ABTB3: variants seen among roughly 807,000 people sequenced by gnomAD.
ABTB3 encodes the protein ankyrin repeat- and BTB/POZ domain-containing protein 3.
At chr12:107,321,056 C>T in the ABTB3 span, among the ~76,000 whole-genome samples, 1 of 152,162 alleles carries the variant, frequency 6.6e-6, no homozygotes, top group Non-Finnish European at 1.5e-5. Flanking sequence ...CTGCGAAAGC[C>T]GGAGCTAGAC....
the ABTB3 span, among the ~76,000 whole-genome samples, chr12:107,477,817 A>G: frequency 6.6e-6 from 1 of 152,196 alleles, no homozygotes; most frequent in African/African-American, 2.4e-5. Flanking sequence ...ATGATAGACC[A>G]TTCTATATAG....
chr12:107,458,072 T>C, the ABTB3 span, among the ~76,000 whole-genome samples: 1 of 152,306 alleles, frequency 6.6e-6, no homozygotes, highest in Non-Finnish European at 1.5e-5. Context: ...ACCCAGTAAA[T>C]GTTCACCTCT....
At chr12:107,393,382 A>G in the ABTB3 span, among the ~76,000 whole-genome samples, 160 of 152,202 alleles carry the variant, frequency 1.1e-3, 1 homozygote, top group Non-Finnish European at 2.0e-3. Context: ...ATGAAAATCC[A>G]TAGGAATCCA....
chr12:107,628,892 G>A, the ABTB3 span, among the ~76,000 whole-genome samples: 1 of 152,128 alleles, frequency 6.6e-6, no homozygotes. Context: ...CCAGAACTAG[G>A]ACCCCCTCCA....
chr12:107,399,646 G>T, the ABTB3 span, among the ~76,000 whole-genome samples: 4 of 152,086 alleles, frequency 2.6e-5, no homozygotes, highest in Non-Finnish European at 5.9e-5. Flanking sequence ...GTCCAGCACT[G>T]GCCCACATGC....
the ABTB3 span, among the ~76,000 whole-genome samples, chr12:107,504,109 C>A: frequency 6.6e-6 from 1 of 152,138 alleles, no homozygotes; most frequent in African/African-American, 2.4e-5. Flanking sequence ...CAATGACAAA[C>A]GAGAATTTAG....
At chr12:107,435,985 G>T in the ABTB3 span, among the ~76,000 whole-genome samples, 15 of 152,312 alleles carry the variant, frequency 9.8e-5, no homozygotes, top group Non-Finnish European at 2.2e-4. Flanking sequence ...AATTTAAGTA[G>T]CCATGCCTGA....
At chr12:107,608,720 G>A in the ABTB3 span, among the ~76,000 whole-genome samples, 1 of 151,482 alleles carries the variant, frequency 6.6e-6, no homozygotes, top group African/African-American at 2.4e-5. Flanking sequence ...AATTTTTTTT[G>A]ATGAGCTGGG....
the ABTB3 span, chr12:107,520,335 G>A: frequency 1.4e-6 from 2 of 1,458,208 alleles, no homozygotes; most frequent in Non-Finnish European, 1.8e-6. Flanking sequence ...ATTTCTAAAA[G>A]GAGTCCAGAG....
the ABTB3 span, among the ~76,000 whole-genome samples, chr12:107,322,976 A>C: frequency 1.3e-5 from 2 of 152,228 alleles, no homozygotes; most frequent in East Asian, 3.9e-4. Context: ...TGGATTTTTC[A>C]TGTTTTTCTA....
the ABTB3 span, chr12:107,581,413 G>T: frequency 1.1e-6 from 1 of 914,306 alleles, no homozygotes; most frequent in Middle Eastern, 3.9e-4. Flanking sequence ...CGCACACCTC[G>T]GCGGCGCTGG....
chr12:107,526,367 G>A, the ABTB3 span, among the ~76,000 whole-genome samples: 3 of 152,238 alleles, frequency 2.0e-5, no homozygotes, highest in East Asian at 1.9e-4. Context: ...CTTAGAGTTC[G>A]GTGGGCGGTC....
chr12:107,337,689 C>T, the ABTB3 span, among the ~76,000 whole-genome samples: 1 of 152,214 alleles, frequency 6.6e-6, no homozygotes, highest in African/African-American at 2.4e-5. Flanking sequence ...CTCCCATTAA[C>T]TGTGTTGGCC....
the ABTB3 span, among the ~76,000 whole-genome samples, chr12:107,591,165 C>A: frequency 6.6e-5 from 10 of 152,206 alleles, no homozygotes; most frequent in Admixed American, 6.5e-4. Context: ...AGTTTAAGAA[C>A]CACCAGATTG....
the ABTB3 span, among the ~76,000 whole-genome samples, chr12:107,435,988 A>G: frequency 6.6e-6 from 1 of 152,232 alleles, no homozygotes; most frequent in Non-Finnish European, 1.5e-5. Flanking sequence ...TTAAGTAGCC[A>G]TGCCTGACTA....
At chr12:107,323,546 G>T in the ABTB3 span, among the ~76,000 whole-genome samples, 16 of 152,160 alleles carry the variant, frequency 1.1e-4, no homozygotes, top group African/African-American at 3.9e-4. Context: ...TGAAGAGCCG[G>T]GGAAACAGCT....
At chr12:107,585,889 G>A in the ABTB3 span, among the ~76,000 whole-genome samples, 10 of 152,258 alleles carry the variant, frequency 6.6e-5, no homozygotes, top group Non-Finnish European at 1.3e-4. Context: ...CCAACCCTTG[G>A]TGTCAAAAGT....
the ABTB3 span, among the ~76,000 whole-genome samples, chr12:107,371,688 A>G: frequency 6.6e-6 from 1 of 152,216 alleles, no homozygotes; most frequent in African/African-American, 2.4e-5. Flanking sequence ...AGTGCAGTAT[A>G]CTTGCTATAT....
chr12:107,459,716 T>G, the ABTB3 span, among the ~76,000 whole-genome samples: 1 of 152,234 alleles, frequency 6.6e-6, no homozygotes, highest in East Asian at 1.9e-4. Context: ...CAGCCATTTA[T>G]TAAGTGACCT....
Sources: gnomAD v4.1 joint callset for allele counts (sites outside exome capture counted in the v4.1 genomes callset) on GRCh38, gnomAD v4.1.1 for gene constraint, MANE v1.5 for transcripts, NCBI Gene and HGNC (gene_info 2026-07-23, HGNC 2026-07-21) for gene names.